The following TLN2 variants were observed in gnomAD, a reference collection of about 807,000 sequenced individuals.
TLN2 encodes the protein talin-2.
In TLN2, 118 loss-of-function variants were observed where a neutral mutation model predicts 294.7. The observed-to-expected ratio is 0.40, with a 90% CI of 0.34 to 0.47. The LOEUF (loss-of-function observed/expected upper bound fraction) is 0.47, where lower values mean the gene tolerates loss of function less well. Ranked by LOEUF, TLN2 falls within the 20% of genes least tolerant of loss-of-function variation. The probability of loss-of-function intolerance (pLI) is 0.84; values close to 1 mark genes in which losing one functional copy is unlikely to be tolerated. For synonymous variants in TLN2, 1,431 were observed against 1,304.5 expected, an observed-to-expected ratio of 1.10 and a Z score of -2.09; for missense variants, 3,083 against 3,282.2, an observed-to-expected ratio of 0.94 and a Z score of 1.48.
intron 1 of TLN2, among the ~76,000 whole-genome samples, chr15:62,584,990 C>T (rs2045467345): frequency 6.6e-6 from 1 of 152,080 alleles, no homozygotes; most frequent in Admixed American, 6.6e-5. Context: ...CATATGAGCC[C>T]ATATTCTGAT....
At chr15:62,764,495 T>A (rs2062870518) in intron 40 of TLN2, among the ~76,000 whole-genome samples, 1 of 152,166 alleles carries the variant, frequency 6.6e-6, no homozygotes, top group Admixed American at 6.5e-5. Context: ...TTCACCCTCC[T>A]ATTTCCAAAA....
At chr15:62,466,953 G>A (rs1202878002) in intron 1 of TLN2, among the ~76,000 whole-genome samples, 1 of 152,234 alleles carries the variant, frequency 6.6e-6, no homozygotes, top group Non-Finnish European at 1.5e-5. Flanking sequence ...AAAAGCCAAT[G>A]AGATTTCAGC....
At chr15:62,590,119 T>G (rs577823116) in intron 2 of TLN2, among the ~76,000 whole-genome samples, 1 of 152,306 alleles carries the variant, frequency 6.6e-6, no homozygotes, top group South Asian at 2.1e-4. Flanking sequence ...AGGGGGTAAG[T>G]GCTGGGTAAG....
intron 1 of TLN2, among the ~76,000 whole-genome samples, chr15:62,480,126 G>GGA (rs1360954216): frequency 6.6e-6 from 1 of 152,174 alleles, no homozygotes; most frequent in Non-Finnish European, 1.5e-5. Flanking sequence ...GAGTAAAAGG[G>GGA]GAGAGCAGGT....
At chr15:62,839,724 A>G (rs2070371717) in intron 58 of TLN2, among the ~76,000 whole-genome samples, 1 of 152,190 alleles carries the variant, frequency 6.6e-6, no homozygotes, top group African/African-American at 2.4e-5. Flanking sequence ...TTCCTGAACC[A>G]CGCCCTGTGT....
intron 22 of TLN2, among the ~76,000 whole-genome samples, chr15:62,713,915 TG>T (rs879288032): frequency 0.4 from 46,288 of 116,694 alleles, 11,370 homozygotes; most frequent in Non-Finnish European, 0.55. Flanking sequence ...TATATATATA[TG>T]CTGTGTGTGT....
intron 2 of TLN2, among the ~76,000 whole-genome samples, chr15:62,600,007 A>G (rs1042692646): frequency 6.6e-6 from 1 of 152,154 alleles, no homozygotes; most frequent in Admixed American, 6.5e-5. Flanking sequence ...GTAGATGACA[A>G]ATGAGCAGAA....
intron 12 of TLN2, among the ~76,000 whole-genome samples, chr15:62,690,090 C>CG (rs1322217015): frequency 0.03 from 2,685 of 89,722 alleles, 139 homozygotes; most frequent in African/African-American, 0.073. Context: ...GCCGGCCGGG[C>CG]GGGGGGCTGA....
chr15:62,699,823 T>A (rs1251599605), intron 16 of TLN2, among the ~76,000 whole-genome samples: 1 of 152,214 alleles, frequency 6.6e-6, no homozygotes, highest in Non-Finnish European at 1.5e-5. Context: ...AAGCACCAGT[T>A]CTGACCAAAT....
intron 3 of TLN2, chr15:62,640,270 T>C: frequency 2.2e-6 from 1 of 455,908 alleles, no homozygotes; most frequent in Middle Eastern, 3.3e-4. Context: ...TCCTGGGAGA[T>C]TGAGATGTAG....
chr15:62,429,915 C>G (rs1202340198), intron 1 of TLN2, among the ~76,000 whole-genome samples: 1 of 152,130 alleles, frequency 6.6e-6, no homozygotes, highest in Non-Finnish European at 1.5e-5. Context: ...GTGACTTATC[C>G]AAGATCACTG....
intron 1 of TLN2, among the ~76,000 whole-genome samples, chr15:62,526,983 T>C (rs1271186845): frequency 6.6e-6 from 1 of 152,206 alleles, no homozygotes. Context: ...TGTATAGATG[T>C]ATATTTACAA....
chr15:62,401,410 C>T (rs956104161), intron 1 of TLN2, among the ~76,000 whole-genome samples: 3 of 152,066 alleles, frequency 2.0e-5, no homozygotes, highest in African/African-American at 7.3e-5. Context: ...CTAAGTAAAG[C>T]AGAATTGGTA....
chr15:62,752,555 G>A (rs1345352923), intron 35 of TLN2, 128 bp downstream of exon 35: 5 of 1,367,466 alleles, frequency 3.7e-6, no homozygotes, highest in Non-Finnish European at 4.9e-6. Flanking sequence ...AGTGGCTTCT[G>A]TGCTGGCTGG....
intron 1 of TLN2, among the ~76,000 whole-genome samples, chr15:62,480,929 C>G (rs140031534): frequency 7.2e-4 from 109 of 152,308 alleles, no homozygotes; most frequent in Non-Finnish European, 7.2e-4. Flanking sequence ...TCCCCTCATT[C>G]GAAATGTCCC....
intron 34 of TLN2, 102 bp downstream of exon 34, chr15:62,750,593 G>T: frequency 1.0e-6 from 1 of 988,606 alleles, no homozygotes; most frequent in South Asian, 1.3e-5. Context: ...TGGTCTGCAG[G>T]GCTAGCCACA....
chr15:62,471,885 G>GA (rs35429380), intron 1 of TLN2, among the ~76,000 whole-genome samples: 71,364 of 151,976 alleles, frequency 0.47, 17,399 homozygotes, highest in Middle Eastern at 0.65. Context: ...GCAGCAGGAG[G>GA]ATGGGGGGCA....
At chr15:62,766,552 A>C in intron 41 of TLN2, 130 bp downstream of exon 41, 1 of 768,712 alleles carries the variant, frequency 1.3e-6, no homozygotes, top group East Asian at 2.8e-5. Flanking sequence ...ATGCTCGTTT[A>C]AGCTGCAGAA....
At position 62,837,297 on chromosome 15, in the gene TLN2, T is replaced by C. The variant is rs530753098; in HGVS notation, c.7374+1224T>C. Among the ~76,000 whole-genome samples, 19 of 152,324 alleles carry C rather than the reference T, an allele frequency of 1.2e-4. 1 individual carries two copies. The South Asian group carries it at 3.9e-3, about 32-fold the overall frequency. ...AGCTGCATGTTCGTTTGTGAATATG[T>C]GATTTCTGGGTCTGGGGGACACTTC... On this transcript the variant is annotated intron_variant, in intron 57 of 58. Coordinates refer to ENST00000636159, the MANE Select transcript of TLN2 (RefSeq NM_015059.3).
Sources: gnomAD v4.1 joint callset for allele counts (sites outside exome capture counted in the v4.1 genomes callset) on GRCh38, gnomAD v4.1.1 for gene constraint, MANE v1.5 for transcripts, NCBI Gene and HGNC (gene_info 2026-07-23, HGNC 2026-07-21) for gene names.